DARS1: variants seen among roughly 807,000 people sequenced by gnomAD.
DARS1 encodes the protein aspartate--tRNA ligase, cytoplasmic.
DARS1 carries 51 observed loss-of-function variants against 68.8 expected under a neutral mutation model. The ratio of observed to expected loss-of-function variants is 0.74; its 90% confidence interval spans 0.59 to 0.94. The LOEUF is 0.94. Among genes scored for constraint, DARS1 ranks in the 40% least tolerant of loss-of-function variants. The pLI is 0.00. For missense variants in DARS1, 607 were observed against 597.3 expected (o/e 1.02, Z -0.17); for synonymous variants, 203 against 190.4 (o/e 1.07, Z -0.55).
chr2:135,924,464 G>C lies in DARS1; in HGVS notation c.599C>G (p.Ser200Cys), dbSNP rs771698175. 26 of 1,609,366 alleles carry C rather than the reference G, an allele frequency of 1.6e-5. 1 individual carries two copies. Among genetic ancestry groups the C allele is most frequent in the Admixed American group, 1.7e-5 (1 of 58,702 alleles). Residue 200 changes from serine (S) to cysteine (C), a missense_variant, in exon 8 of 16, where the codon TCT becomes TGT. Physicochemically the swap from Ser to Cys is moderately radical, Grantham distance 112 (BLOSUM62 -1). Coordinates refer to ENST00000264161, the MANE Select transcript of DARS1 (RefSeq NM_001349.4). ...STSQAVFRLQ[S>C]GICHLFRETL... ...TTCTCGGAAGAGATGGCAGATGCCA[G>C]ACTGGAGACGGAAGACTGCCTGACT...
chr2:135,925,106 A>C (rs1430987195), intron 7 of DARS1, among the ~76,000 whole-genome samples: 1 of 151,442 alleles, frequency 6.6e-6, no homozygotes, highest in African/African-American at 2.4e-5. Flanking sequence ...TGTTCTTTCT[A>C]TTCTCTCTCT....
At chr2:135,923,449 C>A (rs1182593147) in intron 8 of DARS1, among the ~76,000 whole-genome samples, 1 of 152,006 alleles carries the variant, frequency 6.6e-6, no homozygotes, top group Admixed American at 6.6e-5. Context: ...ACCACCGCGC[C>A]CGGCTAGTTT....
intron 2 of DARS1, among the ~76,000 whole-genome samples, chr2:135,980,197 A>G (rs912827596): frequency 3.3e-5 from 5 of 152,196 alleles, no homozygotes; most frequent in African/African-American, 1.2e-4. Flanking sequence ...ACAAAATACT[A>G]CATTCATCTA....
intron 4 of DARS1, among the ~76,000 whole-genome samples, chr2:135,946,145 C>T (rs1681715173): frequency 1.3e-5 from 2 of 152,102 alleles, no homozygotes; most frequent in Non-Finnish European, 2.9e-5. Flanking sequence ...ACAAGAGAGA[C>T]AGGAATACTT....
intron 5 of DARS1, among the ~76,000 whole-genome samples, chr2:135,940,973 AAGG>A (rs1253235147): frequency 6.6e-5 from 10 of 152,366 alleles, no homozygotes; most frequent in African/African-American, 2.4e-4. Context: ...GGACCTCTTC[AAGG>A]AGAACTACAA....
intron 2 of DARS1, among the ~76,000 whole-genome samples, chr2:135,981,613 A>G (rs1311874928): frequency 6.6e-6 from 1 of 151,908 alleles, no homozygotes. Flanking sequence ...GGGATACTCA[A>G]CCTGTACTCA....
At chr2:135,919,191 C>CA (rs1323059548) in intron 10 of DARS1, among the ~76,000 whole-genome samples, 1 of 151,954 alleles carries the variant, frequency 6.6e-6, no homozygotes, top group East Asian at 1.9e-4. Flanking sequence ...CCACCATGCC[C>CA]AGCTAATTTT....
chr2:135,954,064 A>AT (rs1208581149), intron 4 of DARS1, among the ~76,000 whole-genome samples: 1 of 151,478 alleles, frequency 6.6e-6, no homozygotes, highest in Non-Finnish European at 1.5e-5. Context: ...GCCCAGTTCT[A>AT]TTTTTTAAAC....
At chr2:135,929,681 G>A (rs190070742) in intron 7 of DARS1, among the ~76,000 whole-genome samples, 10 of 152,168 alleles carry the variant, frequency 6.6e-5, no homozygotes, top group African/African-American at 1.4e-4. Context: ...ACAAAATTAC[G>A]AAACTTCTCT....
intron 3 of DARS1, among the ~76,000 whole-genome samples, chr2:135,970,148 A>C (rs1682333618): frequency 6.6e-6 from 1 of 151,070 alleles, no homozygotes. Flanking sequence ...AGGGTGAGGC[A>C]GGAGGATTGT....
intron 4 of DARS1, among the ~76,000 whole-genome samples, chr2:135,953,372 ATTC>A (rs1347309958): frequency 6.6e-6 from 1 of 152,210 alleles, no homozygotes; most frequent in Non-Finnish European, 1.5e-5. Context: ...TAAAAGATAA[ATTC>A]TTATTTTAAA....
chr2:135,913,503 T>C (rs1277771499), intron 12 of DARS1, among the ~76,000 whole-genome samples: 1 of 152,142 alleles, frequency 6.6e-6, no homozygotes, highest in Non-Finnish European at 1.5e-5. Context: ...ATGCCTGTAA[T>C]CCCAGCACTT....
chr2:135,915,616 T>A (rs1680989276), intron 11 of DARS1, among the ~76,000 whole-genome samples: 1 of 152,160 alleles, frequency 6.6e-6, no homozygotes, highest in African/African-American at 2.4e-5. Context: ...ATAATTTGTT[T>A]CAAAATTATA....
intron 3 of DARS1, among the ~76,000 whole-genome samples, chr2:135,970,284 T>G (rs901796272): frequency 6.8e-6 from 1 of 146,330 alleles, no homozygotes; most frequent in Non-Finnish European, 1.5e-5. Flanking sequence ...AAAGAGCCCA[T>G]TAAGCATCTT....
chr2:135,950,370 T>A (rs1371930845), intron 4 of DARS1, among the ~76,000 whole-genome samples: 1 of 152,224 alleles, frequency 6.6e-6, no homozygotes, highest in East Asian at 1.9e-4. Context: ...TTTCTCTCCA[T>A]ACTATTTTCC....
At chr2:135,931,135 T>C (rs565215461) in intron 7 of DARS1, among the ~76,000 whole-genome samples, 56 of 152,354 alleles carry the variant, frequency 3.7e-4, no homozygotes, top group African/African-American at 1.3e-3. Context: ...GTTTGTATTA[T>C]AGAAGAAGAA....
At chr2:135,964,840 CAA>C (rs372676148) in intron 3 of DARS1, among the ~76,000 whole-genome samples, 7 of 49,638 alleles carry the variant, frequency 1.4e-4, no homozygotes, top group African/African-American at 4.6e-4. Flanking sequence ...GACTCCACCT[CAA>C]AAAAAAAAAA....
intron 5 of DARS1, among the ~76,000 whole-genome samples, chr2:135,939,152 A>G (rs1416692253): frequency 6.6e-6 from 1 of 152,232 alleles, no homozygotes; most frequent in Non-Finnish European, 1.5e-5. Flanking sequence ...CTCTGCACCA[A>G]GCGGACCTAA....
At chr2:135,984,305 T>C (rs943195746) in intron 1 of DARS1, among the ~76,000 whole-genome samples, 1 of 152,188 alleles carries the variant, frequency 6.6e-6, no homozygotes, top group Non-Finnish European at 1.5e-5. Context: ...ATTAAGCAGA[T>C]TAAGAGTACA....
Sources: allele counts gnomAD v4.1 joint callset (sites outside exome capture counted in the v4.1 genomes callset), GRCh38; gene constraint gnomAD v4.1.1; transcripts MANE v1.5; gene names NCBI Gene and HGNC (gene_info 2026-07-23, HGNC 2026-07-21).